BCKDHB: variants seen among roughly 807,000 people sequenced by gnomAD.
BCKDHB encodes branched chain keto acid dehydrogenase E1 subunit beta.
BCKDHB carries 41 observed loss-of-function variants against 48.5 expected under a neutral mutation model. The ratio of observed to expected loss-of-function variants is 0.85; its 90% CI spans 0.66 to 1.10. BCKDHB has a LOEUF of 1.10. Among genes scored for constraint, BCKDHB ranks in the 50% least tolerant of loss-of-function variants. The probability of loss-of-function intolerance (pLI) is 0.00; values close to 1 mark genes in which losing one functional copy is unlikely to be tolerated. For missense variants in BCKDHB, 496 were observed against 494.2 expected, an observed-to-expected ratio of 1.00 and a Z score of -0.03; for synonymous variants, 201 against 174.8, an observed-to-expected ratio of 1.15 and a Z score of -1.18.
chr6:80,114,170 T>A (rs1056029482), intron 1 of BCKDHB, among the ~76,000 whole-genome samples: 2 of 151,832 alleles, frequency 1.3e-5, no homozygotes, highest in African/African-American at 4.8e-5. Context: ...TGGCCTTAGG[T>A]TCCCTGCCTC....
At chr6:80,130,499 G>A (rs1023430307) in intron 3 of BCKDHB, among the ~76,000 whole-genome samples, 6 of 152,228 alleles carry the variant, frequency 3.9e-5, no homozygotes, top group African/African-American at 1.4e-4. Flanking sequence ...AGCAGGTTGA[G>A]TTTCTGGATC....
At chr6:80,339,749 T>A (rs573941860) in intron 9 of BCKDHB, among the ~76,000 whole-genome samples, 1 of 152,350 alleles carries the variant, frequency 6.6e-6, no homozygotes, top group Non-Finnish European at 1.5e-5. Context: ...CTTCTAAGAC[T>A]GAACTTAACT....
At chr6:80,256,671 GTTC>G (rs1476236329) in intron 8 of BCKDHB, among the ~76,000 whole-genome samples, 14 of 152,092 alleles carry the variant, frequency 9.2e-5, no homozygotes, top group Non-Finnish European at 2.1e-4. Context: ...GTCTCAGGTA[GTTC>G]TTCTTTGGTT....
At chr6:80,127,708 A>G (rs577263689) in intron 2 of BCKDHB, 84 bp downstream of exon 2, 47 of 1,206,570 alleles carry the variant, frequency 3.9e-5, no homozygotes, top group South Asian at 1.9e-4. Flanking sequence ...GTGGAGCTCA[A>G]TGGTTAACAT....
the BCKDHB span, among the ~76,000 whole-genome samples, chr6:80,382,588 A>G: frequency 5.3e-5 from 8 of 152,134 alleles, no homozygotes; most frequent in Admixed American, 4.6e-4. Context: ...TGCACCTCCT[A>G]TAACTACCCT....
At chr6:80,185,480 G>T (rs940093101) in intron 6 of BCKDHB, among the ~76,000 whole-genome samples, 10 of 151,960 alleles carry the variant, frequency 6.6e-5, no homozygotes, top group African/African-American at 2.2e-4. Context: ...TGATCTTTTG[G>T]GGGTGTTACA....
chr6:80,433,551 G>C, the BCKDHB span, among the ~76,000 whole-genome samples: 4 of 152,222 alleles, frequency 2.6e-5, no homozygotes, highest in East Asian at 5.8e-4. Context: ...GACTGCTGCT[G>C]TGCTGGCAGT....
At chr6:80,245,183 C>T (rs1187214015) in intron 8 of BCKDHB, among the ~76,000 whole-genome samples, 1 of 151,874 alleles carries the variant, frequency 6.6e-6, no homozygotes, top group African/African-American at 2.4e-5. Context: ...GAATTAGAGA[C>T]CGGAAACTGA....
chr6:80,173,998 A>G (rs1450199249), intron 6 of BCKDHB, among the ~76,000 whole-genome samples: 2 of 152,086 alleles, frequency 1.3e-5, no homozygotes, highest in East Asian at 3.9e-4. Flanking sequence ...AATCAAAGAG[A>G]CAGTTAAAAG....
chr6:80,445,667 C>T, the BCKDHB span, among the ~76,000 whole-genome samples: 2 of 152,150 alleles, frequency 1.3e-5, no homozygotes, highest in African/African-American at 4.8e-5. Flanking sequence ...GTAGCAGATA[C>T]ATCTTAATAG....
chr6:80,446,487 A>G, the BCKDHB span, among the ~76,000 whole-genome samples: 1 of 152,202 alleles, frequency 6.6e-6, no homozygotes, highest in African/African-American at 2.4e-5. Context: ...TGCTCAGTCC[A>G]ATAGTCAGGA....
At chr6:80,287,589 G>T (rs1766690376) in intron 9 of BCKDHB, among the ~76,000 whole-genome samples, 1 of 152,118 alleles carries the variant, frequency 6.6e-6, no homozygotes, top group Non-Finnish European at 1.5e-5. Context: ...GAGTGGAACA[G>T]AATTTATTAA....
At chr6:80,447,888 G>A in the BCKDHB span, among the ~76,000 whole-genome samples, 1 of 152,120 alleles carries the variant, frequency 6.6e-6, no homozygotes, top group African/African-American at 2.4e-5. Flanking sequence ...AGTTTGGTGA[G>A]TTAAAATAAC....
intron 9 of BCKDHB, among the ~76,000 whole-genome samples, chr6:80,304,085 T>C (rs775926348): frequency 2.4e-4 from 37 of 152,190 alleles, no homozygotes; most frequent in Non-Finnish European, 2.5e-4. Flanking sequence ...AAGTGATTAA[T>C]TCAGAAGTAG....
chr6:80,339,828 C>A (rs1033259725), intron 9 of BCKDHB, among the ~76,000 whole-genome samples: 1 of 152,176 alleles, frequency 6.6e-6, no homozygotes, highest in African/African-American at 2.4e-5. Flanking sequence ...TACCATTCTT[C>A]TTTATTCCTA....
chr6:80,366,822 C>A, the BCKDHB span, among the ~76,000 whole-genome samples: 2 of 152,202 alleles, frequency 1.3e-5, no homozygotes, highest in Non-Finnish European at 2.9e-5. Context: ...ACACTACTCT[C>A]TCAAAGGTTA....
At chr6:80,319,540 G>A (rs543280244) in intron 9 of BCKDHB, among the ~76,000 whole-genome samples, 4 of 152,076 alleles carry the variant, frequency 2.6e-5, no homozygotes, top group Admixed American at 6.5e-5. Context: ...TCTTACTTAC[G>A]GTTTAGGAGT....
chr6:80,451,563 C>A, the BCKDHB span, among the ~76,000 whole-genome samples: 1 of 151,990 alleles, frequency 6.6e-6, no homozygotes, highest in Non-Finnish European at 1.5e-5. Flanking sequence ...CATGGCAAAA[C>A]CCATTTCTAC....
chr6:80,150,069 C>T (rs1378823095), intron 3 of BCKDHB, among the ~76,000 whole-genome samples: 2 of 152,056 alleles, frequency 1.3e-5, no homozygotes, highest in Non-Finnish European at 2.9e-5. Flanking sequence ...ATATTCTTGG[C>T]TGCACCCACA....
Sources: gnomAD v4.1 joint callset for allele counts (sites outside exome capture counted in the v4.1 genomes callset) on GRCh38, gnomAD v4.1.1 for gene constraint, MANE v1.5 for transcripts, NCBI Gene and HGNC (gene_info 2026-07-23, HGNC 2026-07-21) for gene names.